The following GLUD1 variants were observed in gnomAD, a reference collection of about 807,000 sequenced individuals.
GLUD1 encodes the protein glutamate dehydrogenase 1, also known as glutamate dehydrogenase 1, mitochondrial.
In GLUD1, 22 loss-of-function variants were observed where a neutral mutation model predicts 56.0. The ratio of observed to expected loss-of-function variants is 0.39; its 90% CI spans 0.28 to 0.56. GLUD1 has a LOEUF of 0.56. GLUD1 is among the 20% of genes least tolerant of loss of function. The pLI is 0.58. For missense variants in GLUD1, 451 were observed against 732.0 expected (o/e 0.62, Z 4.43); for synonymous variants, 223 against 269.9 (o/e 0.83, Z 1.70).
chr10:87,094,776 A>G lies in GLUD1; in HGVS notation c.-7T>C. Reference sequence around the variant, plus strand: ...CGCCCAGGTAGCGGTACATGGCCACAAGCGGAGGGGAGGTGCGTGATGGTC... The same window carrying G: ...CGCCCAGGTAGCGGTACATGGCCACGAGCGGAGGGGAGGTGCGTGATGGTC... On this transcript the variant is annotated 5_prime_UTR_variant, in exon 1 of 13. Transcript: ENST00000277865. This position sits in a 1 kb window ranked among gnomAD's most constrained non-coding sequence, Gnocchi z 6.6. The G allele has an allele frequency of 1.3e-6, 2 of 1,533,274 alleles. No individual in the cohort carries two copies. The highest frequency in any genetic ancestry group is 1.8e-6 in the Non-Finnish European group (2 of 1,136,672). 95.0% of individuals were successfully genotyped at this position (1,533,274 alleles called of 1,614,324 possible). A position where few individuals can be genotyped will look rare whatever the true frequency, so the allele number is the denominator to read the frequency against.
rs570698158 is a variant in GLUD1 at position 87,075,791 on chromosome 10, G to A, written c.582+177C>T. On this transcript the variant is annotated intron_variant, in intron 3 of 12. Coordinates refer to ENST00000277865, the MANE Select transcript of GLUD1 (RefSeq NM_005271.5). The stretch of plus-strand genomic sequence containing the variant: ...ACAAAAATTAGTCGGGCATGGTGGC[G>A]TGCACCTGTAATCCCAGTTACTGGA... 3.9e-5 allele frequency among the ~76,000 whole-genome samples: 6 copies of A among 152,228 alleles called. No homozygotes were observed. In the East Asian group the frequency reaches 7.7e-4, roughly 20 times the overall value.
intron 1 of GLUD1, among the ~76,000 whole-genome samples, chr10:87,081,548 G>C (rs11202323): frequency 1.7e-4 from 26 of 152,022 alleles, no homozygotes; most frequent in Non-Finnish European, 3.2e-4. Flanking sequence ...GATGGTTGCC[G>C]TGTCTGTGTG....
intron 1 of GLUD1, among the ~76,000 whole-genome samples, chr10:87,087,690 A>C (rs1841416154): frequency 6.6e-6 from 1 of 152,158 alleles, no homozygotes; most frequent in Non-Finnish European, 1.5e-5. Flanking sequence ...TGACCCCCTT[A>C]CACACAGTTC....
At position 87,094,381 on chromosome 10, in the gene GLUD1, T is replaced by G; in HGVS notation, c.389A>C (p.Glu130Ala). 6.2e-7 allele frequency: 1 copy of G among 1,612,800 alleles called. No individual in the cohort carries two copies. The highest frequency in any genetic ancestry group is 8.5e-7 in the Non-Finnish European group (1 of 1,179,774). The change falls in exon 1 of 13, where the codon GAG (glutamate) becomes GCG (alanine). Residue 130 changes from glutamate to alanine, a missense_variant. Around this residue, in one of 4 missense-constraint regions of GLUD1, gnomAD observed 158 missense variants for 189.7 expected, o/e 0.83. Coordinates refer to ENST00000277865, the MANE Select transcript of GLUD1 (RefSeq NM_005271.5). The surrounding 1 kb of genome is among the most constrained non-coding windows in gnomAD (Gnocchi z 6.6). ...CTGGGCCCGGTAGCCTTCGATGACC[T>G]CCCAGGAGCCGTCGTCGCGCCGGAT... ...FPIRRDDGSW[E>A]VIEGYRAQHS... is the part of the protein sequence containing the mutation.
At position 87,094,322 on chromosome 10, in the gene GLUD1, C is replaced by T; in HGVS notation, c.445+3G>A. ...GGCGGGACGGGGCCCGGCCGACGCT[C>T]ACCTCCCTTGCAGGGCGTGCGGTGC... On this transcript the variant is annotated splice_donor_region_variant and intron_variant, in intron 1 of 12. Transcript: ENST00000277865. This position sits in a 1 kb window ranked among gnomAD's most constrained non-coding sequence, Gnocchi z 6.6. The T allele has an allele frequency of 6.2e-7, 1 of 1,606,302 alleles. No homozygotes were observed. Among genetic ancestry groups the T allele is most frequent in the Non-Finnish European group, 8.5e-7 (1 of 1,177,266 alleles).
chr10:87,067,853 G>C, intron 5 of GLUD1: 1 of 529,928 alleles, frequency 1.9e-6, no homozygotes, highest in South Asian at 1.9e-5. Flanking sequence ...CTGTTCCAGT[G>C]ACAAGTATAG....
chr10:87,094,704 C>G lies in GLUD1; in HGVS notation c.66G>C (p.Ala22=). The G allele has an allele frequency of 6.7e-7, 1 of 1,499,052 alleles. No individual in the cohort carries two copies. The highest frequency in any genetic ancestry group is 1.3e-5 in the South Asian group (1 of 79,942). 92.9% of individuals were successfully genotyped at this position (1,499,052 alleles called of 1,614,324 possible). The part of the protein sequence containing the change: ...SRAGPAALGS[A]SADSAALLGW... ...CCAGCAACGCGGCCGAGTCGGCGGA[C>G]GCCGAGCCCAGGGCAGCGGGCCCGG... Residue 22 remains alanine (A), a synonymous_variant, in exon 1 of 13, where the codon GCG becomes GCC. Transcript: ENST00000277865. The surrounding 1 kb of genome is among the most constrained non-coding windows in gnomAD (Gnocchi z 6.6).
chr10:87,051,996 CCAAAGA>C lies in GLUD1; in HGVS notation c.1558-132_1558-127del, dbSNP rs911766773. The C allele has an allele frequency of 4.5e-6, 5 of 1,100,874 alleles. No individual in the cohort carries two copies. In the African/African-American group the frequency reaches 4.6e-5, roughly 10 times the overall value. The allele number at this position is 1,100,874 out of a possible 1,614,324, so 68.2% of individuals were successfully genotyped here. The stretch of plus-strand genomic sequence containing the variant: ...TTGTTTCAAGGCAGGACTTGGGCAG[CCAAAGA>C]CAAACTACTCTAGCAGCAGAACCTC... On this transcript the variant is annotated intron_variant, in intron 12 of 12. Transcript: ENST00000277865.
chr10:87,062,618 T>A (rs750183928), intron 6 of GLUD1, 38 bp downstream of exon 6: 15 of 1,401,702 alleles, frequency 1.1e-5, no homozygotes, highest in Non-Finnish European at 1.3e-5. Context: ...TTAATGTCTA[T>A]CAGTTATTAA....
intron 1 of GLUD1, among the ~76,000 whole-genome samples, chr10:87,087,444 G>A (rs141290171): frequency 7.9e-5 from 12 of 152,268 alleles, no homozygotes; most frequent in Non-Finnish European, 1.6e-4. Flanking sequence ...AGGTCAAAGG[G>A]TGGGACTGAA....
At chr10:87,058,632 C>T (rs1845849506) in intron 10 of GLUD1, among the ~76,000 whole-genome samples, 1 of 152,188 alleles carries the variant, frequency 6.6e-6, no homozygotes, top group Non-Finnish European at 1.5e-5. Context: ...GTGGCTCACG[C>T]CTGTAATCCC....
At chr10:87,088,844 T>C (rs146732496) in intron 1 of GLUD1, among the ~76,000 whole-genome samples, 8 of 152,336 alleles carry the variant, frequency 5.3e-5, no homozygotes, top group African/African-American at 1.7e-4. Context: ...AATTATTCAA[T>C]AGAAAATCTT....
At chr10:87,085,648 A>G (rs10887690) in intron 1 of GLUD1, among the ~76,000 whole-genome samples, 40,995 of 152,112 alleles carry the variant, frequency 0.27, 5,750 homozygotes, top group Middle Eastern at 0.35. Flanking sequence ...AAATACAAAA[A>G]GAAAGCTGAA....
Position 87,090,207 on chromosome 10 carries a change from C to T in GLUD1, c.445+4118G>A, listed in dbSNP as rs1476210715. ...ATTTTTAACATAAGTAAATAAAAACCGATTTTCCTAAGCACTCTGAATTAT... is the reference window on the plus strand; with the variant it reads ...ATTTTTAACATAAGTAAATAAAAACTGATTTTCCTAAGCACTCTGAATTAT... On this transcript the variant is annotated intron_variant, in intron 1 of 12. Coordinates refer to ENST00000277865, the MANE Select transcript of GLUD1 (RefSeq NM_005271.5). Among the ~76,000 whole-genome samples, 5 of 151,966 alleles carry T rather than the reference C, an allele frequency of 3.3e-5. 1 individual carries two copies. In the South Asian group the frequency reaches 6.2e-4, roughly 19 times the overall value.
intron 1 of GLUD1, among the ~76,000 whole-genome samples, chr10:87,088,494 A>G (rs943435094): frequency 6.6e-6 from 1 of 152,214 alleles, no homozygotes; most frequent in Non-Finnish European, 1.5e-5. Context: ...CAATACGAGT[A>G]CATCACCCTT....
chr10:87,071,847 A>C (rs568104441), intron 4 of GLUD1, among the ~76,000 whole-genome samples: 1 of 152,368 alleles, frequency 6.6e-6, no homozygotes, highest in Admixed American at 6.5e-5. Context: ...AAAGGAGTAA[A>C]ATATTTAGTT....
chr10:87,051,054 A>C lies in GLUD1; in HGVS notation c.*697T>G, dbSNP rs1053838276. On this transcript the variant is annotated 3_prime_UTR_variant, in exon 13 of 13. Coordinates refer to ENST00000277865, the MANE Select transcript of GLUD1 (RefSeq NM_005271.5). ...GCTTTTAATGTCTGCTGGACAATAC[A>C]TGAATGATAAGCTATAAATGACATT... 2.5e-5 allele frequency: 4 copies of C among 158,100 alleles called. No individual in the cohort carries two copies. Among genetic ancestry groups the C allele is most frequent in the Non-Finnish European group, 4.4e-5 (3 of 68,936 alleles). The allele number at this position is 158,100 out of a possible 1,614,324, so 9.8% of individuals were successfully genotyped here. A position where few individuals can be genotyped will look rare whatever the true frequency, so the allele number is the denominator to read the frequency against.
intron 6 of GLUD1, among the ~76,000 whole-genome samples, chr10:87,061,739 C>A (rs1257082509): frequency 6.6e-6 from 1 of 151,790 alleles, no homozygotes; most frequent in Non-Finnish European, 1.5e-5. Flanking sequence ...GCCTTAGTCT[C>A]CTGAGTAGTT....
intron 1 of GLUD1, among the ~76,000 whole-genome samples, chr10:87,080,770 C>T (rs1218600690): frequency 6.6e-6 from 1 of 150,754 alleles, no homozygotes; most frequent in Non-Finnish European, 1.5e-5. Context: ...AGTGAGGAGC[C>T]CCTCCGCCTG....
Sources: gnomAD v4.1 joint callset for allele counts (sites outside exome capture counted in the v4.1 genomes callset) on GRCh38, gnomAD v4.1.1 for gene constraint, gnomAD v4.1.1 regional missense constraint, Gnocchi (gnomAD v3.1) non-coding constraint, MANE v1.5 for transcripts, NCBI Gene and HGNC (gene_info 2026-07-23, HGNC 2026-07-21) for gene names.